The following CDK8 variants were observed in gnomAD, a reference collection of about 807,000 sequenced individuals.
CDK8 encodes the protein cyclin dependent kinase 8.
A neutral mutation model predicts 71.5 loss-of-function variants in CDK8; 29 were observed. That is an observed-to-expected ratio of 0.41 (90% CI 0.30 to 0.55). The LOEUF (loss-of-function observed/expected upper bound fraction) is 0.55, where lower values mean the gene tolerates loss of function less well. Among genes scored for constraint, CDK8 ranks in the 20% least tolerant of loss-of-function variants. The pLI is 0.37. For synonymous variants in CDK8, 161 were observed against 192.1 expected, an observed-to-expected ratio of 0.84 and a Z score of 1.34; for missense variants, 288 against 572.6, an observed-to-expected ratio of 0.50 and a Z score of 5.07.
intron 1 of CDK8, among the ~76,000 whole-genome samples, chr13:26,321,628 T>A (rs1275448760): frequency 1.3e-5 from 2 of 152,196 alleles, no homozygotes; most frequent in East Asian, 3.8e-4. Flanking sequence ...ATATTTTTTC[T>A]TTATGAAACT....
intron 1 of CDK8, among the ~76,000 whole-genome samples, chr13:26,272,128 A>T (rs1456642773): frequency 2.0e-5 from 3 of 151,940 alleles, no homozygotes; most frequent in Non-Finnish European, 4.4e-5. Context: ...CTTAGATTAA[A>T]ACACAAACAT....
intron 1 of CDK8, among the ~76,000 whole-genome samples, chr13:26,263,925 T>G (rs1871905025): frequency 6.6e-6 from 1 of 151,938 alleles, no homozygotes; most frequent in Non-Finnish European, 1.5e-5. Context: ...TTTTTTGTAC[T>G]TTTAGTAGAG....
Position 26,330,825 on chromosome 13 carries a change from C to G in CDK8, c.129-6742C>G, listed in dbSNP as rs143361855. Among the ~76,000 whole-genome samples, 1,001 of 152,226 alleles carry G rather than the reference C, an allele frequency of 6.6e-3. 10 individuals are homozygous for G. Among genetic ancestry groups the G allele is most frequent in the African/African-American group, 0.021 (867 of 41,516 alleles). ...CTATAGTGTATATATACCACATTTT[C>G]TTTATCCATTCATCTGTTGATGGAC... On this transcript the variant is annotated intron_variant, in intron 1 of 12. Coordinates refer to ENST00000381527, the MANE Select transcript of CDK8 (RefSeq NM_001260.3).
chr13:26,351,838 G>A (rs1417229280), intron 3 of CDK8, among the ~76,000 whole-genome samples: 6 of 152,164 alleles, frequency 3.9e-5, no homozygotes, highest in South Asian at 2.1e-4. Context: ...GGGTTAGGCA[G>A]CAGAGGGTAA....
chr13:26,343,547 CAA>C (rs1873331494), intron 2 of CDK8, among the ~76,000 whole-genome samples: 1 of 152,078 alleles, frequency 6.6e-6, no homozygotes, highest in Admixed American at 6.5e-5. Context: ...CCCCCCAAAA[CAA>C]AGATAAAAAA....
intron 1 of CDK8, among the ~76,000 whole-genome samples, chr13:26,308,445 A>G (rs1198296787): frequency 6.6e-6 from 1 of 152,258 alleles, no homozygotes; most frequent in Non-Finnish European, 1.5e-5. Flanking sequence ...GCCAAATGCC[A>G]GACCCCTCTT....
chr13:26,382,932 A>G (rs1875301204), intron 5 of CDK8, 61 bp downstream of exon 5: 2 of 1,065,494 alleles, frequency 1.9e-6, no homozygotes, highest in Non-Finnish European at 2.8e-6. Context: ...GCAGGCAGCT[A>G]TATCACTTCT....
intron 1 of CDK8, among the ~76,000 whole-genome samples, chr13:26,257,697 CAG>C (rs2137847521): frequency 6.6e-6 from 1 of 152,170 alleles, no homozygotes; most frequent in Non-Finnish European, 1.5e-5. Context: ...CGTTAGAAGA[CAG>C]AAAACAATTT....
intron 4 of CDK8, among the ~76,000 whole-genome samples, chr13:26,376,200 G>C (rs142571060): frequency 8.7e-6 from 1 of 114,916 alleles, no homozygotes; most frequent in Non-Finnish European, 1.9e-5. Context: ...ATGTAAGCTA[G>C]GTTCGCTTTT....
chr13:26,320,721 A>G (rs939851819), intron 1 of CDK8, among the ~76,000 whole-genome samples: 4 of 152,244 alleles, frequency 2.6e-5, no homozygotes, highest in African/African-American at 9.6e-5. Context: ...AAGGACTTGA[A>G]TAAACATTCC....
At position 26,270,772 on chromosome 13, in the gene CDK8, T is replaced by C. The variant is rs568616263; in HGVS notation, c.128+16003T>C. ...GGTTCTTTCTACTTTTTGGTTGTTA[T>C]GAATAATGCTGCTATGAACATGGGT... On this transcript the variant is annotated intron_variant, in intron 1 of 12. Coordinates refer to ENST00000381527, the MANE Select transcript of CDK8 (RefSeq NM_001260.3). Among the ~76,000 whole-genome samples the C allele has an allele frequency of 1.3e-3, 193 of 152,350 alleles. 1 individual carries two copies. Among genetic ancestry groups the C allele is most frequent in the African/African-American group, 4.4e-3 (184 of 41,584 alleles).
chr13:26,358,100 C>T lies in CDK8; in HGVS notation c.456+4220C>T, dbSNP rs551524296. 2.6e-5 allele frequency among the ~76,000 whole-genome samples: 4 copies of T among 151,862 alleles called. No homozygotes were observed. The South Asian group carries it at 8.3e-4, about 32-fold the overall frequency. On this transcript the variant is annotated intron_variant, in intron 4 of 12. Coordinates refer to ENST00000381527, the MANE Select transcript of CDK8 (RefSeq NM_001260.3). ...CATGAGGTCAGGAGATTGAGACCAT[C>T]CTGGCTAACATGGTGAAACCCTATC...
chr13:26,336,387 A>G lies in CDK8; in HGVS notation c.129-1180A>G, dbSNP rs1872983265. ...AGTGGATATAAACTTCTGTAGTTTT[A>G]AAAGTTCCCATTTTAAAATTTGTAT... On this transcript the variant is annotated intron_variant, in intron 1 of 12. Transcript: ENST00000381527. Among the ~76,000 whole-genome samples, 5 of 152,144 alleles carry G rather than the reference A, an allele frequency of 3.3e-5. No homozygotes were observed. The South Asian group carries it at 1.0e-3, about 31-fold the overall frequency.
intron 4 of CDK8, among the ~76,000 whole-genome samples, chr13:26,354,211 T>A (rs1450897277): frequency 6.6e-6 from 1 of 152,196 alleles, no homozygotes; most frequent in Non-Finnish European, 1.5e-5. Flanking sequence ...ATATTTATAA[T>A]AACTTGAAAA....
chr13:26,312,347 CT>C (rs937076204), intron 1 of CDK8, among the ~76,000 whole-genome samples: 87 of 152,288 alleles, frequency 5.7e-4, no homozygotes, highest in African/African-American at 2.0e-3. Context: ...TTCTTTTGTT[CT>C]TCACGATAAA....
intron 4 of CDK8, among the ~76,000 whole-genome samples, chr13:26,364,176 A>G (rs1731965817): frequency 6.6e-6 from 1 of 152,170 alleles, no homozygotes; most frequent in African/African-American, 2.4e-5. Context: ...TAGTTCAGTG[A>G]TTTTTAAATT....
intron 4 of CDK8, among the ~76,000 whole-genome samples, chr13:26,359,952 G>A (rs1874062642): frequency 6.6e-6 from 1 of 152,138 alleles, no homozygotes. Context: ...CTGACCTCAA[G>A]AGATCTGCCC....
chr13:26,383,189 C>T (rs545709261), intron 5 of CDK8, among the ~76,000 whole-genome samples: 1 of 152,264 alleles, frequency 6.6e-6, no homozygotes, highest in African/African-American at 2.4e-5. Flanking sequence ...GTCACAAGGG[C>T]ATACATACAG....
chr13:26,291,504 A>G (rs952555439), intron 1 of CDK8, among the ~76,000 whole-genome samples: 2 of 152,178 alleles, frequency 1.3e-5, no homozygotes, highest in Non-Finnish European at 2.9e-5. Context: ...TTTAAAAATC[A>G]ATATATGTTC....
Sources: allele counts gnomAD v4.1 joint callset (sites outside exome capture counted in the v4.1 genomes callset), GRCh38; gene constraint gnomAD v4.1.1; transcripts MANE v1.5; gene names NCBI Gene and HGNC (gene_info 2026-07-23, HGNC 2026-07-21).